Variants in GLRX observed in about 807,000 individuals in gnomAD.
GLRX encodes glutaredoxin.
GLRX carries 9 observed loss-of-function variants against 11.1 expected under a neutral mutation model. That is an observed-to-expected ratio of 0.81 (90% CI 0.49 to 1.42). The LOEUF is 1.42. GLRX is among the 40% of genes most tolerant of loss of function. The pLI is 0.00. For synonymous variants in GLRX, 49 were observed against 49.5 expected (o/e 0.99, Z 0.04); for missense variants, 102 against 126.2 (o/e 0.81, Z 0.92).
intron 1 of GLRX, among the ~76,000 whole-genome samples, chr5:95,821,039 G>A (rs998859078): frequency 4.6e-5 from 7 of 152,000 alleles, no homozygotes; most frequent in African/African-American, 1.7e-4. Flanking sequence ...GGAGGCAGAG[G>A]TTGCAGTGAG....
At chr5:95,816,372 G>C in intron 2 of GLRX, 135 bp downstream of exon 2, 1 of 588,078 alleles carries the variant, frequency 1.7e-6, no homozygotes, top group African/African-American at 1.9e-5. Context: ...ATAAGTGATT[G>C]ACATCACCAT....
intron 2 of GLRX, chr5:95,814,638 T>A (rs997307403): frequency 6.6e-6 from 1 of 152,418 alleles, no homozygotes; most frequent in Non-Finnish European, 1.5e-5. Flanking sequence ...TGAAAAACAC[T>A]GGCTTAGAGG....
chr5:95,822,259 A>T (rs1315449772), intron 1 of GLRX, 197 bp downstream of exon 1: 2 of 601,218 alleles, frequency 3.3e-6, no homozygotes, highest in East Asian at 5.6e-5. Flanking sequence ...CCCCGTGAAG[A>T]CCTTTGGCTG....
Position 95,816,628 on chromosome 5 carries a change from T to TA in GLRX, c.208-3dup, listed in dbSNP as rs1210959484. The TA allele has an allele frequency of 1.4e-6, 2 of 1,460,326 alleles. No homozygotes were observed. Among genetic ancestry groups the TA allele is most frequent in the Non-Finnish European group, 1.9e-6 (2 of 1,039,258 alleles). The allele number at this position is 1,460,326 out of a possible 1,614,324, so 90.5% of individuals were successfully genotyped here. A position where few individuals can be genotyped will look rare whatever the true frequency, so the allele number is the denominator to read the frequency against. On this transcript the variant is annotated splice_polypyrimidine_tract_variant and splice_region_variant and intron_variant, in intron 1 of 2. Transcript: ENST00000237858. ...TTTACCAATAAAGACTCGAGGCACC[T>TA]AAAAAAGCACACGACCCAGGACATT...
In GLRX at chr5:95,816,543, C is replaced by G; in HGVS notation, c.291G>C (p.Thr97=). 5 of 1,604,428 alleles carry G rather than the reference C, an allele frequency of 3.1e-6. No homozygotes were observed. The highest frequency in any genetic ancestry group is 4.3e-6 in the Non-Finnish European group (5 of 1,171,174). ...GCAGAGCTCCAATCTGCTTTAGCCG[C>G]GTCAGCAGTTCCCCACTCTGTTGCA... ...VSLQQSGELL[T]RLKQIGALQ Residue 97 remains threonine (T), a synonymous_variant, in exon 2 of 3, where the codon ACG becomes ACC. Coordinates refer to ENST00000237858, the MANE Select transcript of GLRX (RefSeq NM_001118890.2).
At chr5:95,820,472 G>GCTGAGGTGGGTGGATCAC (rs1747189722) in intron 1 of GLRX, among the ~76,000 whole-genome samples, 1 of 151,956 alleles carries the variant, frequency 6.6e-6, no homozygotes, top group Non-Finnish European at 1.5e-5. Flanking sequence ...ACTTTGGGAG[G>GCTGAGGTGGGTGGATCAC]CTGAGGTGGG....
chr5:95,818,511 T>A (rs1247957198), intron 1 of GLRX: 1 of 152,000 alleles, frequency 6.6e-6, no homozygotes, highest in East Asian at 1.9e-4. Context: ...CTGCACTAGG[T>A]TTCCCCAGCC....
At chr5:95,817,917 G>A (rs1295618585) in intron 1 of GLRX, 2 of 152,162 alleles carry the variant, frequency 1.3e-5, no homozygotes, top group Non-Finnish European at 2.9e-5. Flanking sequence ...GTGAGAAAAG[G>A]GGCTTCATTA....
At chr5:95,822,093 C>A (rs1747260142) in intron 1 of GLRX, 1 of 279,846 alleles carries the variant, frequency 3.6e-6, no homozygotes, top group Non-Finnish European at 6.8e-6. Flanking sequence ...CGGCCCTCCA[C>A]CCCAGCTTCC....
rs779596647 is a variant in GLRX, at chr5:95,822,591, C to G, written c.72G>C (p.Pro24=). 2 of 1,613,680 alleles carry G rather than the reference C, an allele frequency of 1.2e-6. No individual in the cohort carries two copies. Among genetic ancestry groups the G allele is most frequent in the Non-Finnish European group, 1.7e-6 (2 of 1,179,632 alleles). ...KVVVFIKPTC[P]YCRRAQEILS... ...GGATCTCTTGGGCCCTCCTGCAGTA[C>G]GGGCAGGTGGGCTTGATGAACACAA... The change falls in exon 1 of 3, where the codon CCG becomes CCC. Residue 24 remains proline, a synonymous_variant. Transcript: ENST00000237858.
Position 95,814,177 on chromosome 5 carries a change from T to C in GLRX, c.*219A>G, listed in dbSNP as rs2112860223. The C allele has an allele frequency of 6.5e-6, 1 of 152,740 alleles. No homozygotes were observed. Among genetic ancestry groups the C allele is most frequent in the Admixed American group, 6.5e-5 (1 of 15,310 alleles). 9.5% of individuals were successfully genotyped at this position (152,740 alleles called of 1,614,324 possible). A position where few individuals can be genotyped will look rare whatever the true frequency, so the allele number is the denominator to read the frequency against. ...TTATCAGATGTTTTACATTTCATGC[T>C]TTAATCTTTGCTGGTAGTCTAAATA... On this transcript the variant is annotated 3_prime_UTR_variant, in exon 3 of 3. Coordinates refer to ENST00000237858, the MANE Select transcript of GLRX (RefSeq NM_001118890.2).
intron 1 of GLRX, among the ~76,000 whole-genome samples, chr5:95,820,342 CTCTG>C (rs996718428): frequency 2.6e-5 from 3 of 115,802 alleles, no homozygotes; most frequent in African/African-American, 1.0e-4. Context: ...CAGAGCAAGA[CTCTG>C]TCTCTTAAAA....
At chr5:95,819,897 C>CAAAAAAAAAAAAAAAAAAAAAAAAAAAAA (rs35347478) in intron 1 of GLRX, among the ~76,000 whole-genome samples, 1 of 54,176 alleles carries the variant, frequency 1.8e-5, no homozygotes, top group Non-Finnish European at 3.1e-5. Context: ...GACTCCGTCT[C>CAAAAAAAAAAAAAAAAAAAAAAAAAAAAA]AAAAAAAAAA....
At chr5:95,820,212 G>A (rs1418601791) in intron 1 of GLRX, among the ~76,000 whole-genome samples, 1 of 151,812 alleles carries the variant, frequency 6.6e-6, no homozygotes, top group Non-Finnish European at 1.5e-5. Context: ...AATTAGCTGG[G>A]TATGATGGCT....
intron 1 of GLRX, among the ~76,000 whole-genome samples, chr5:95,821,824 G>A (rs1455542263): frequency 6.6e-6 from 1 of 152,116 alleles, no homozygotes; most frequent in Non-Finnish European, 1.5e-5. Flanking sequence ...GATCTTTGAG[G>A]ACTACTGGGG....
rs375905120 is a variant in GLRX, at chr5:95,816,805, A to C, written c.208-179T>G. 71 of 504,222 alleles carry C rather than the reference A, an allele frequency of 1.4e-4. 2 individuals carry two copies. The highest frequency in any genetic ancestry group is 1.3e-3 in the African/African-American group (69 of 51,280). The allele number at this position is 504,222 out of a possible 1,614,324, so 31.2% of individuals were successfully genotyped here. Reference sequence around the variant, plus strand: ...TATAAGGGGTAACATTATTAACTCGAGAATGTTTTTACGCCAGAAGAGTTT... The same window carrying C: ...TATAAGGGGTAACATTATTAACTCGCGAATGTTTTTACGCCAGAAGAGTTT... On this transcript the variant is annotated intron_variant, in intron 1 of 2. Coordinates refer to ENST00000237858, the MANE Select transcript of GLRX (RefSeq NM_001118890.2).
At chr5:95,820,549 A>G (rs1470643449) in intron 1 of GLRX, among the ~76,000 whole-genome samples, 3 of 151,182 alleles carry the variant, frequency 2.0e-5, no homozygotes, top group Non-Finnish European at 4.4e-5. Flanking sequence ...TCTCTAATAA[A>G]AATACAAAAA....
chr5:95,822,132 C>T (rs1201207894), intron 1 of GLRX: 6 of 342,644 alleles, frequency 1.8e-5, no homozygotes, highest in Non-Finnish European at 3.2e-5. Flanking sequence ...TGAAAACTGT[C>T]ATTTCCTGGC....
At chr5:95,814,588 GGAT>G (rs1414750369) in intron 2 of GLRX, 199 bp from the exon 3 acceptor site, 3 of 152,502 alleles carry the variant, frequency 2.0e-5, no homozygotes, top group African/African-American at 7.2e-5. Context: ...AACCAACTGT[GGAT>G]TCATCATTGT....
Sources: allele counts gnomAD v4.1 joint callset (sites outside exome capture counted in the v4.1 genomes callset), GRCh38; gene constraint gnomAD v4.1.1; transcripts MANE v1.5; gene names NCBI Gene and HGNC (gene_info 2026-07-23, HGNC 2026-07-21).